The following ARSD variants were observed in gnomAD, a reference collection of about 807,000 sequenced individuals.
The protein encoded by ARSD is arylsulfatase D, also known as testis tissue sperm-binding protein Li 39a.
In ARSD, 21 loss-of-function variants were observed where a neutral mutation model predicts 32.6. The observed-to-expected ratio is 0.64, with a 90% confidence interval of 0.46 to 0.93. ARSD has a LOEUF of 0.93. ARSD is among the 40% of genes least tolerant of loss of function. The pLI, the probability that ARSD is intolerant of heterozygous loss-of-function variation, is 0.00. For synonymous variants in ARSD, 224 were observed against 237.4 expected (o/e 0.94, Z 0.52); for missense variants, 454 against 520.9 (o/e 0.87, Z 1.25).
At position 2,915,737 on chromosome X, in the gene ARSD, C is replaced by T. The variant is rs770069851; in HGVS notation, c.864-45G>A. 1.2e-5 allele frequency: 14 copies of T among 1,154,505 alleles called. No individual in the cohort carries two copies. The African/African-American group carries it at 1.6e-4, about 13-fold the overall frequency. On this transcript the variant is annotated intron_variant, in intron 5 of 9. Coordinates refer to ENST00000381154, the MANE Select transcript of ARSD (RefSeq NM_001669.4). ...TTGAGAATACACAGAATATACAGTACACCAAAGGGACCCCTGCACCCATAC... is the reference window on the plus strand; with the variant it reads ...TTGAGAATACACAGAATATACAGTATACCAAAGGGACCCCTGCACCCATAC...
chrX:2,913,483 C>T (rs1046254521), intron 6 of ARSD: 50 of 913,581 alleles, frequency 5.5e-5, no homozygotes, highest in Middle Eastern at 4.7e-4. Flanking sequence ...GGGGGGCCTT[C>T]GAATTTATTT....
At position 2,925,780 on chromosome X, in the gene ARSD, G is replaced by A. The variant is rs41308439; in HGVS notation, c.45-15C>T. On this transcript the variant is annotated splice_polypyrimidine_tract_variant and intron_variant, in intron 1 of 9. Coordinates refer to ENST00000381154, the MANE Select transcript of ARSD (RefSeq NM_001669.4). ...GCAAAGAGTCCCTGGAGAGAAAAGC[G>A]AAACACAGAAATGACTATCTACAAT... The A allele has an allele frequency of 5.0e-6, 6 of 1,206,701 alleles. No homozygotes were observed. Among genetic ancestry groups the A allele is most frequent in the South Asian group, 1.8e-5 (1 of 56,114 alleles).
rs373053270 is a variant in ARSD at position 2,907,311 on chromosome X, G to A, written c.1742C>T (p.Pro581Leu). The A allele has an allele frequency of 8.3e-6, 10 of 1,210,190 alleles. No homozygotes were observed. In the African/African-American group the frequency reaches 1.0e-4, roughly 13 times the overall value. ...PWLQPCCGHF[P>L]FCSCHEDGDG... The stretch of plus-strand genomic sequence containing the variant: ...CCCATCCTCGTGGCATGAACAGAAC[G>A]GGAAATGTCCGCAGCACGGCTGCAG... The change falls in exon 10 of 10, where the codon CCG (proline) becomes CTG (leucine). Residue 581 changes from proline to leucine, a missense_variant. Pro to Leu is a moderately conservative substitution (Grantham distance 98). This residue lies in a region of ARSD where 179 missense variants were observed against 198.5 expected (regional missense o/e 0.90). Transcript: ENST00000381154.
At chrX:2,914,518 G>C (rs78940719) in intron 6 of ARSD, 2 of 927,271 alleles carry the variant, frequency 2.2e-6, no homozygotes, top group African/African-American at 4.1e-5. Flanking sequence ...GGGATTAAAG[G>C]CATGAGCCAC....
intron 6 of ARSD, among the ~76,000 whole-genome samples, chrX:2,912,656 C>A (rs932982601): frequency 1.8e-5 from 2 of 111,435 alleles, no homozygotes; most frequent in African/African-American, 6.5e-5. Context: ...CCAGTGAGCA[C>A]GCTTTTTTAA....
In ARSD at chrX:2,905,384, T is replaced by A; in HGVS notation, c.*1887A>T. On this transcript the variant is annotated 3_prime_UTR_variant, in exon 10 of 10. Transcript: ENST00000381154. ...TGCAAGGTCCTCCCATCCCCAGTAT[T>A]GGGATCTAGGGGCAGGGGGTCCCAG... The A allele has an allele frequency of 6.4e-6, 1 of 157,407 alleles. No homozygotes were observed. Among genetic ancestry groups the A allele is most frequent in the East Asian group, 2.0e-4 (1 of 4,913 alleles). The allele number at this position is 157,407 out of a possible 1,213,427, so 13.0% of individuals were successfully genotyped here. A position where few individuals can be genotyped will look rare whatever the true frequency, so the allele number is the denominator to read the frequency against.
At chrX:2,922,974 G>A (rs1347959901) in intron 2 of ARSD, among the ~76,000 whole-genome samples, 7 of 88,858 alleles carry the variant, frequency 7.9e-5, no homozygotes, top group African/African-American at 1.8e-4. Flanking sequence ...ACTGCAAGGC[G>A]TGAGGCACGG....
Position 2,907,144 on chromosome X carries a change from T to C in ARSD, c.*127A>G. ...AAAAGAAAGAAAGAAAGAAAGAAAG[T>C]GGGGACCCACTCTCAGTCCAGGGCA... On this transcript the variant is annotated 3_prime_UTR_variant, in exon 10 of 10. Transcript: ENST00000381154. 1 of 603,351 alleles carries C rather than the reference T, an allele frequency of 1.7e-6. No homozygotes were observed. Among genetic ancestry groups the C allele is most frequent in the East Asian group, 3.5e-5 (1 of 28,215 alleles). The allele number at this position is 603,351 out of a possible 1,213,427, so 49.7% of individuals were successfully genotyped here. A position where few individuals can be genotyped will look rare whatever the true frequency, so the allele number is the denominator to read the frequency against.
At chrX:2,919,370 C>T (rs1392958994) in intron 4 of ARSD, among the ~76,000 whole-genome samples, 1 of 107,415 alleles carries the variant, frequency 9.3e-6, no homozygotes. Flanking sequence ...CTCACCACTG[C>T]GCTCCCACGT....
chrX:2,913,861 C>A, intron 6 of ARSD: 1 of 486,236 alleles, frequency 2.1e-6, no homozygotes, highest in Non-Finnish European at 2.7e-6. Flanking sequence ...GGTTGAGCAC[C>A]ATCCCCCGCT....
At chrX:2,914,698 C>A (rs34494682) in intron 6 of ARSD, 1 of 1,025,044 alleles carries the variant, frequency 9.8e-7, no homozygotes, top group Admixed American at 2.5e-5. Flanking sequence ...AGGAAGACAG[C>A]GTGTCTGCAT....
chrX:2,922,640 A>G (rs111629242), intron 2 of ARSD, among the ~76,000 whole-genome samples: 4,647 of 107,869 alleles, frequency 0.043, 268 homozygotes, highest in African/African-American at 0.15. Context: ...TTCAAGACAA[A>G]CCTAGCCAAC....
Position 2,917,883 on chromosome X carries a change from G to C in ARSD, c.784C>G (p.His262Asp), listed in dbSNP as rs759677245. 9.2e-5 allele frequency: 111 copies of C among 1,210,860 alleles called. 1 individual carries two copies. The East Asian group carries it at 3.3e-3, about 36-fold the overall frequency. ...RRWNCILMRN[H>D]DVTEQPMVLE... ...ACCATGGGTTGCTCCGTGACGTCAT[G>C]GTTTCTCATCAGGATACAGTTCCAG... The change falls in exon 5 of 10, where the codon CAT (histidine) becomes GAT (aspartate). Residue 262 changes from histidine to aspartate, a missense_variant. By Grantham distance (81) the His-to-Asp change is moderately conservative. This residue lies in a region of ARSD where 271 missense variants were observed against 301.0 expected (regional missense o/e 0.90). Transcript: ENST00000381154.
chrX:2,914,874 T>C, intron 6 of ARSD: 1 of 942,741 alleles, frequency 1.1e-6, no homozygotes. Flanking sequence ...CCATTCTTTG[T>C]ACTATTATTA....
intron 2 of ARSD, among the ~76,000 whole-genome samples, chrX:2,924,403 C>G (rs1458190715): frequency 3.5e-5 from 4 of 113,694 alleles, no homozygotes; most frequent in Non-Finnish European, 7.5e-5. Flanking sequence ...TCTGCGGGGA[C>G]CGCTCCTGAG....
Position 2,917,812 on chromosome X carries a change from A to G in ARSD, c.855T>C (p.Tyr285=), listed in dbSNP as rs1442031396. The change falls in exon 5 of 10, where the codon TAT becomes TAC. Residue 285 remains tyrosine (Y), a synonymous_variant. Coordinates refer to ENST00000381154, the MANE Select transcript of ARSD (RefSeq NM_001669.4). ...ASLMLKEAVS[Y]IERHKHGPFL... The stretch of plus-strand genomic sequence containing the variant: ...ATGCGATGGTTGCTTACCTTTCAAT[A>G]TAGGAAACAGCTTCCTTTAGCATAA... 1.7e-6 allele frequency: 2 copies of G among 1,206,768 alleles called. No homozygotes were observed. The highest frequency in any genetic ancestry group is 2.2e-6 in the Non-Finnish European group (2 of 892,068).
chrX:2,909,618 A>G (rs2088883697), intron 8 of ARSD, among the ~76,000 whole-genome samples, 199 bp downstream of exon 8: 1 of 94,508 alleles, frequency 1.1e-5, no homozygotes, highest in Non-Finnish European at 2.0e-5. Context: ...CAGGAGGCGG[A>G]GGCTGCAGTG....
Position 2,904,365 on chromosome X carries a change from G to T in ARSD, c.*2906C>A, listed in dbSNP as rs754548011. ...TCAGCCCAGATCCAAGGGCAGGGAA[G>T]AGGCTCCATCGTGTAGTTGGGCTCA... On this transcript the variant is annotated 3_prime_UTR_variant, in exon 10 of 10. Transcript: ENST00000381154. The T allele has an allele frequency of 1.8e-5, 2 of 111,742 alleles. No individual in the cohort carries two copies. Among genetic ancestry groups the T allele is most frequent in the Non-Finnish European group, 3.8e-5 (2 of 53,265 alleles). The allele number at this position is 111,742 out of a possible 1,213,427, so 9.2% of individuals were successfully genotyped here. A position where few individuals can be genotyped will look rare whatever the true frequency, so the allele number is the denominator to read the frequency against.
At chrX:2,923,064 A>G (rs1181722470) in intron 2 of ARSD, 3 of 144,782 alleles carry the variant, frequency 2.1e-5, no homozygotes, top group South Asian at 2.9e-4. Context: ...AGGGGAATCT[A>G]TAGAGATGGA....
Sources: allele counts gnomAD v4.1 joint callset (sites outside exome capture counted in the v4.1 genomes callset), GRCh38; gene constraint gnomAD v4.1.1; regional missense constraint gnomAD v4.1.1; transcripts MANE v1.5; gene names NCBI Gene and HGNC (gene_info 2026-07-23, HGNC 2026-07-21).